ZNF880: variants seen among roughly 807,000 people sequenced by gnomAD.
The protein encoded by ZNF880 is zinc finger protein LOC400713.
ZNF880 carries 12 observed loss-of-function variants against 11.8 expected under a neutral mutation model. The ratio of observed to expected loss-of-function variants is 1.02; its 90% CI spans 0.65 to 1.65. ZNF880 has a LOEUF of 1.65. ZNF880 is among the 40% of genes most tolerant of loss of function. The pLI, the probability that ZNF880 is intolerant of heterozygous loss-of-function variation, is 0.00. For synonymous variants in ZNF880, 210 were observed against 232.4 expected (o/e 0.90, Z 0.88); for missense variants, 601 against 673.9 (o/e 0.89, Z 1.20).
intron 3 of ZNF880, among the ~76,000 whole-genome samples, chr19:52,376,503 C>A (rs868547810): frequency 1.5e-4 from 12 of 80,858 alleles, no homozygotes; most frequent in East Asian, 3.4e-4. Context: ...ACCGCCCCCC[C>A]CCCCCCTTTT....
At chr19:52,380,136 G>A (rs1357793573) in intron 3 of ZNF880, 1 of 152,094 alleles carries the variant, frequency 6.6e-6, no homozygotes, top group African/African-American at 2.4e-5. Flanking sequence ...CTGGTCTCAG[G>A]TGATCTACCC....
At chr19:52,368,204 CAAA>C (rs920910288), upstream of ZNF880, among the ~76,000 whole-genome samples, 4 of 41,476 alleles carry the variant, frequency 9.6e-5, no homozygotes, top group African/African-American at 4.3e-4. Flanking sequence ...GGCTCCGTCT[CAAA>C]AAAAAAAAAA....
At chr19:52,380,091 G>A (rs1443339538) in intron 3 of ZNF880, 1 of 151,846 alleles carries the variant, frequency 6.6e-6, no homozygotes, top group Non-Finnish European at 1.5e-5. Context: ...ATAGAGACAG[G>A]TTTTTACCAT....
chr19:52,370,336 C>G (rs1398388277), intron 1 of ZNF880: 2 of 303,246 alleles, frequency 6.6e-6, no homozygotes, highest in East Asian at 6.3e-5. Context: ...TTTCACAGGC[C>G]TGCCCCCTTT....
At position 52,384,342 on chromosome 19, in the gene ZNF880, C is replaced by T; in HGVS notation, c.762C>T (p.Leu254=). Residue 254 remains leucine, a synonymous_variant, in exon 4 of 4, where the codon CTC becomes CTT. Coordinates refer to ENST00000422689, the MANE Select transcript of ZNF880 (RefSeq NM_001145434.2). ...GCAAGCTCTTCAATCGAATTTCACT[C>T]CTTGCACGACATCAGAGAATACATA... ...ECGKLFNRIS[L]LARHQRIHTG... The T allele has an allele frequency of 6.2e-7, 1 of 1,613,690 alleles. No homozygotes were observed. The highest frequency in any genetic ancestry group is 1.7e-4 in the Middle Eastern group (1 of 6,060).
downstream of ZNF880, chr19:52,390,421 CG>C: frequency 2.0e-5 from 7 of 346,062 alleles, no homozygotes; most frequent in East Asian, 1.1e-4. Context: ...CCTCCTTGAT[CG>C]GGGGCCCTTC....
At chr19:52,372,936 A>C (rs947499101) in intron 1 of ZNF880, among the ~76,000 whole-genome samples, 175 bp from the exon 2 acceptor site, 4 of 148,754 alleles carry the variant, frequency 2.7e-5, no homozygotes, top group African/African-American at 9.9e-5. Flanking sequence ...AAAAAAAAAG[A>C]ATGTCATAAC....
At chr19:52,374,914 C>G (rs58041354) in intron 3 of ZNF880, among the ~76,000 whole-genome samples, 8,576 of 151,788 alleles carry the variant, frequency 0.056, 679 homozygotes, top group African/African-American at 0.18. Context: ...TTTAAAAAAT[C>G]TTTTGTGGAG....
chr19:52,368,621 C>T (rs1025654306), upstream of ZNF880, among the ~76,000 whole-genome samples: 17 of 147,708 alleles, frequency 1.2e-4, no homozygotes, highest in African/African-American at 3.7e-4. Flanking sequence ...AGGGCTGGGG[C>T]GGGGATACCC....
intron 1 of ZNF880, among the ~76,000 whole-genome samples, chr19:52,371,199 TAGTG>T (rs1986360633): frequency 6.6e-6 from 1 of 152,190 alleles, no homozygotes; most frequent in South Asian, 2.1e-4. Flanking sequence ...ACTGTTATGA[TAGTG>T]AGTCTATGGC....
In ZNF880 at chr19:52,384,715, C is replaced by A. The variant is rs541368574; in HGVS notation, c.1135C>A (p.Pro379Thr). The A allele has an allele frequency of 2.5e-6, 4 of 1,613,082 alleles. No homozygotes were observed. The highest frequency in any genetic ancestry group is 1.3e-5 in the African/African-American group (1 of 74,690). ...TCAAAGAATCCATACTGGAGAGAAA[C>A]CTTATGAATGTAAAGAATGTGGCAA... ...RHQRIHTGEK[P>T]YECKECGKVF... The change falls in exon 4 of 4, where the codon CCT (proline) becomes ACT (threonine). Residue 379 changes from proline to threonine, a missense_variant. Pro to Thr is a conservative substitution (Grantham distance 38). Coordinates refer to ENST00000422689, the MANE Select transcript of ZNF880 (RefSeq NM_001145434.2).
At chr19:52,372,798 T>C (rs1404905553) in intron 1 of ZNF880, among the ~76,000 whole-genome samples, 1 of 147,454 alleles carries the variant, frequency 6.8e-6, no homozygotes, top group African/African-American at 2.5e-5. Flanking sequence ...TAGTCCCAGC[T>C]ACTCGGGAGG....
chr19:52,389,966 C>T (rs2058701612), downstream of ZNF880: 1 of 152,258 alleles, frequency 6.6e-6, no homozygotes, highest in Non-Finnish European at 1.5e-5. Context: ...GCCTGTTACC[C>T]AGTTCAAAAT....
At chr19:52,393,826 GCCC>G in the ZNF880 span, among the ~76,000 whole-genome samples, 4 of 121,970 alleles carry the variant, frequency 3.3e-5, no homozygotes, top group Non-Finnish European at 6.7e-5. Flanking sequence ...GTATTTCTTT[GCCC>G]CCCCCCTTTT....
In ZNF880 at chr19:52,383,943, A is replaced by G; in HGVS notation, c.363A>G (p.Leu121=). The change falls in exon 4 of 4, where the codon CTA becomes CTG. Residue 121 remains leucine (L), a synonymous_variant. Coordinates refer to ENST00000422689, the MANE Select transcript of ZNF880 (RefSeq NM_001145434.2). ...TFQLHLSELQ[L]FQAERNISGC... ...AGTTACATCTGAGTGAACTGCAGCTATTTCAAGCTGAAAGGAATATTTCTG... is the reference window on the plus strand; with the variant it reads ...AGTTACATCTGAGTGAACTGCAGCTGTTTCAAGCTGAAAGGAATATTTCTG... 1.9e-6 allele frequency: 3 copies of G among 1,557,696 alleles called. No individual in the cohort carries two copies. Among genetic ancestry groups the G allele is most frequent in the Non-Finnish European group, 2.6e-6 (3 of 1,150,004 alleles).
chr19:52,372,289 AAT>A (rs1986397977), intron 1 of ZNF880, among the ~76,000 whole-genome samples: 1 of 143,794 alleles, frequency 7.0e-6, no homozygotes, highest in African/African-American at 2.8e-5. Flanking sequence ...AATCTCTACT[AAT>A]TTTTTTTTTT....
intron 3 of ZNF880, among the ~76,000 whole-genome samples, chr19:52,378,357 T>C (rs985255182): frequency 2.0e-5 from 3 of 151,954 alleles, no homozygotes; most frequent in Non-Finnish European, 4.4e-5. Context: ...GACAGAAGGA[T>C]CCTTTAGGCC....
At position 52,383,934 on chromosome 19, in the gene ZNF880, A is replaced by G. The variant is rs767877690; in HGVS notation, c.354A>G (p.Glu118=). Residue 118 remains glutamate (E), a synonymous_variant, in exon 4 of 4, where the codon GAA becomes GAG. Coordinates refer to ENST00000422689, the MANE Select transcript of ZNF880 (RefSeq NM_001145434.2). ...TAACCTTTCAGTTACATCTGAGTGAACTGCAGCTATTTCAAGCTGAAAGGA... is the reference window on the plus strand; with the variant it reads ...TAACCTTTCAGTTACATCTGAGTGAGCTGCAGCTATTTCAAGCTGAAAGGA... ...LGLTFQLHLS[E]LQLFQAERNI... 24 of 1,559,066 alleles carry G rather than the reference A, an allele frequency of 1.5e-5. No individual in the cohort carries two copies. The highest frequency in any genetic ancestry group is 1.9e-5 in the Non-Finnish European group (22 of 1,150,712).
chr19:52,379,587 G>A, intron 3 of ZNF880: 2 of 354,524 alleles, frequency 5.6e-6, no homozygotes, highest in South Asian at 4.2e-5. Context: ...TAGAGACAGG[G>A]TTTCACTCTG....
Sources: gnomAD v4.1 joint callset for allele counts (sites outside exome capture counted in the v4.1 genomes callset) on GRCh38, gnomAD v4.1.1 for gene constraint, MANE v1.5 for transcripts, NCBI Gene and HGNC (gene_info 2026-07-23, HGNC 2026-07-21) for gene names.